The following PDGFRA variants were observed in gnomAD, a reference collection of about 807,000 sequenced individuals.
PDGFRA encodes the protein platelet-derived growth factor receptor alpha.
A neutral mutation model predicts 121.5 loss-of-function variants in PDGFRA; 25 were observed. That is an observed-to-expected ratio of 0.21 (90% confidence interval 0.15 to 0.29). PDGFRA has a LOEUF of 0.29. Among genes scored for constraint, PDGFRA ranks in the 10% least tolerant of loss-of-function variants. The pLI is 1.00. For missense variants in PDGFRA, 1,008 were observed against 1,345.1 expected, an observed-to-expected ratio of 0.75 and a Z score of 3.92; for synonymous variants, 463 against 494.8, an observed-to-expected ratio of 0.94 and a Z score of 0.85.
At chr4:54,265,615 A>G (rs1722989599) in intron 5 of PDGFRA, among the ~76,000 whole-genome samples, 1 of 152,114 alleles carries the variant, frequency 6.6e-6, no homozygotes, top group South Asian at 2.1e-4. Context: ...GCTCAATCCC[A>G]AGCACTGTAC....
intron 16 of PDGFRA, among the ~76,000 whole-genome samples, chr4:54,282,970 C>T (rs1259130741): frequency 5.3e-5 from 8 of 152,204 alleles, no homozygotes; most frequent in African/African-American, 1.9e-4. Context: ...CCAGAGCACA[C>T]TGATGCAAGG....
chr4:54,263,075 T>G (rs944443104), intron 3 of PDGFRA, among the ~76,000 whole-genome samples: 7 of 152,208 alleles, frequency 4.6e-5, no homozygotes, highest in African/African-American at 1.7e-4. Flanking sequence ...TCTCCTTCTT[T>G]AAATTTTATG....
At chr4:54,248,425 A>G (rs1223960326) in intron 1 of PDGFRA, among the ~76,000 whole-genome samples, 1 of 152,232 alleles carries the variant, frequency 6.6e-6, no homozygotes, top group Non-Finnish European at 1.5e-5. Flanking sequence ...ATCTACAACT[A>G]TCTGATCTTT....
intron 1 of PDGFRA, chr4:54,229,748 G>A (rs1720553903): frequency 6.2e-6 from 1 of 160,392 alleles, no homozygotes; most frequent in Admixed American, 6.5e-5. Context: ...TTTTGGGAGT[G>A]GGGGTGGTGT....
chr4:54,282,160 T>C (rs1036609799), intron 16 of PDGFRA, among the ~76,000 whole-genome samples: 1 of 152,180 alleles, frequency 6.6e-6, no homozygotes, highest in African/African-American at 2.4e-5. Flanking sequence ...GCTGTGTGTG[T>C]GTTTTGTGTG....
intron 1 of PDGFRA, among the ~76,000 whole-genome samples, chr4:54,246,306 C>T (rs994790853): frequency 5.9e-5 from 9 of 152,150 alleles, no homozygotes; most frequent in African/African-American, 2.2e-4. Flanking sequence ...AAATTGACCA[C>T]ATAGTTGGAA....
In PDGFRA at chr4:54,260,397, G is replaced by GTTTTTTTTTTTTTTTTTTT. The variant is rs68009440; in HGVS notation, c.50-687_50-669dup. 7.7e-5 allele frequency among the ~76,000 whole-genome samples: 5 copies of GTTTTTTTTTTTTTTTTTTT among 64,600 alleles called. 1 individual carries two copies. Among genetic ancestry groups the GTTTTTTTTTTTTTTTTTTT allele is most frequent in the African/African-American group, 3.4e-4 (5 of 14,796 alleles). The allele number at this position is 64,600 out of a possible 152,430, so 42.4% of individuals were successfully genotyped here. A position where few individuals can be genotyped will look rare whatever the true frequency, so the allele number is the denominator to read the frequency against. On this transcript the variant is annotated intron_variant, in intron 2 of 22. Coordinates refer to ENST00000257290, the MANE Select transcript of PDGFRA (RefSeq NM_006206.6). Reference sequence around the variant, plus strand: ...TTGCCTCCATTCTTATTCCATGTGGGTTTTTTTTTTTTTTTTTTTTTTTTT... The same window carrying GTTTTTTTTTTTTTTTTTTT: ...TTGCCTCCATTCTTATTCCATGTGGGTTTTTTTTTTTTTTTTTTTTTTTTTTTTTTTTTTTTTTTTTTTT...
At chr4:54,249,270 A>C (rs1298007420) in intron 1 of PDGFRA, among the ~76,000 whole-genome samples, 3 of 152,198 alleles carry the variant, frequency 2.0e-5, no homozygotes, top group Admixed American at 6.5e-5. Flanking sequence ...TTGACCCAGC[A>C]ATCCCATTAC....
chr4:54,279,414 T>C (rs1299690436), intron 15 of PDGFRA, among the ~76,000 whole-genome samples: 2 of 152,232 alleles, frequency 1.3e-5, no homozygotes, highest in South Asian at 2.1e-4. Flanking sequence ...CTACGTCTTC[T>C]GAAAAGTGCT....
intron 1 of PDGFRA, among the ~76,000 whole-genome samples, chr4:54,240,952 G>A (rs1374190718): frequency 2.0e-5 from 3 of 152,152 alleles, no homozygotes; most frequent in Non-Finnish European, 4.4e-5. Context: ...GTGTTTATGT[G>A]TATGTACATT....
intron 1 of PDGFRA, among the ~76,000 whole-genome samples, chr4:54,258,385 AG>A (rs1722489680): frequency 6.6e-6 from 1 of 152,198 alleles, no homozygotes; most frequent in Non-Finnish European, 1.5e-5. Flanking sequence ...TAAAAGTTGT[AG>A]AGAGTGTGAC....
At chr4:54,250,316 C>G (rs905279013) in intron 1 of PDGFRA, among the ~76,000 whole-genome samples, 1 of 152,144 alleles carries the variant, frequency 6.6e-6, no homozygotes, top group African/African-American at 2.4e-5. Context: ...ATTTGACAAA[C>G]GTTCCAAACT....
At chr4:54,238,275 C>T (rs1721116872) in intron 1 of PDGFRA, among the ~76,000 whole-genome samples, 1 of 152,194 alleles carries the variant, frequency 6.6e-6, no homozygotes. Flanking sequence ...TTAGGCCCCA[C>T]CAAAAACTTT....
intron 8 of PDGFRA, among the ~76,000 whole-genome samples, chr4:54,271,891 TCTTC>T (rs544969180): frequency 3.5e-3 from 386 of 109,144 alleles, no homozygotes; most frequent in Non-Finnish European, 6.3e-3. Context: ...TTCTTTCCTT[TCTTC>T]CTTCCTTCCC....
chr4:54,263,836 T>C lies in PDGFRA; in HGVS notation c.537T>C (p.Asn179=), dbSNP rs1722887985. 6.2e-7 allele frequency: 1 copy of C among 1,614,016 alleles called. No individual in the cohort carries two copies. Among genetic ancestry groups the C allele is most frequent in the Non-Finnish European group, 8.5e-7 (1 of 1,179,936 alleles). ...PASYDSRQGF[N]GTFTVGPYIC... ...CCTACGACAGCAGACAGGGCTTTAATGGGACCTTCACTGTAGGGCCCTATA... is the reference window on the plus strand; with the variant it reads ...CCTACGACAGCAGACAGGGCTTTAACGGGACCTTCACTGTAGGGCCCTATA... Residue 179 remains asparagine, a synonymous_variant, in exon 4 of 23, where the codon AAT becomes AAC. Transcript: ENST00000257290.
chr4:54,288,943 G>T (rs747653209), intron 20 of PDGFRA, 45 bp downstream of exon 20: 4 of 1,536,808 alleles, frequency 2.6e-6, no homozygotes, highest in Non-Finnish European at 3.6e-6. Context: ...ACAGTCTGTG[G>T]GTCTAGGGGG....
Position 54,261,096 on chromosome 4 carries a change from G to C in PDGFRA, c.51G>C (p.Gly17=). The C allele has an allele frequency of 6.2e-7, 1 of 1,614,026 alleles. No homozygotes were observed. Among genetic ancestry groups the C allele is most frequent in the Non-Finnish European group, 8.5e-7 (1 of 1,179,918 alleles). The part of the protein sequence containing the change: ...AFLVLGCLLT[G]LSLILCQLSL... ...TTCAGAGCGTGCTTCCTTTTGCAGG[G>C]CTGAGCCTAATCCTCTGCCAGCTTT... The change falls in exon 3 of 23, where the codon GGG becomes GGC. Residue 17 remains glycine, a splice_region_variant and synonymous_variant. Transcript: ENST00000257290.
chr4:54,280,660 A>T (rs1362638889), intron 16 of PDGFRA, 178 bp downstream of exon 16: 2 of 537,580 alleles, frequency 3.7e-6, no homozygotes, highest in African/African-American at 3.8e-5. Context: ...TGGCCTGTAA[A>T]TTGAAAAGAA....
In PDGFRA at chr4:54,297,061, GTC is replaced by G. The variant is rs1724914595; in HGVS notation, c.*1793_*1794del. The G allele has an allele frequency of 4.3e-6, 1 of 233,174 alleles. No individual in the cohort carries two copies. The highest frequency in any genetic ancestry group is 2.2e-5 in the African/African-American group (1 of 45,448). 14.4% of individuals were successfully genotyped at this position (233,174 alleles called of 1,614,324 possible). ...AAAATTATGCAATTCAGTGTTCCAAGTCTCTGTGTAACCAGCTCAGTGTTTTG... is the reference window on the plus strand; with the variant it reads ...AAAATTATGCAATTCAGTGTTCCAAGTCTGTGTAACCAGCTCAGTGTTTTG... On this transcript the variant is annotated 3_prime_UTR_variant, in exon 23 of 23. Coordinates refer to ENST00000257290, the MANE Select transcript of PDGFRA (RefSeq NM_006206.6).
Sources: allele counts gnomAD v4.1 joint callset (sites outside exome capture counted in the v4.1 genomes callset), GRCh38; gene constraint gnomAD v4.1.1; transcripts MANE v1.5; gene names NCBI Gene and HGNC (gene_info 2026-07-23, HGNC 2026-07-21).